TCF7L1: variants seen among roughly 807,000 people sequenced by gnomAD.
The protein encoded by TCF7L1 is transcription factor 7-like 1.
In TCF7L1, 18 loss-of-function variants were observed where a neutral mutation model predicts 63.7. That is an observed-to-expected ratio of 0.28 (90% confidence interval 0.20 to 0.42). The LOEUF (loss-of-function observed/expected upper bound fraction) is 0.42. Ranked by LOEUF, TCF7L1 falls within the 10% of genes least tolerant of loss-of-function variation. The pLI is 1.00. For synonymous variants in TCF7L1, 355 were observed against 340.9 expected (o/e 1.04, Z -0.46); for missense variants, 654 against 779.3 (o/e 0.84, Z 1.91).
chr2:85,158,021 A>G (rs1193817069), intron 3 of TCF7L1, among the ~76,000 whole-genome samples: 1 of 152,242 alleles, frequency 6.6e-6, no homozygotes, highest in African/African-American at 2.4e-5. Context: ...CATGGCGGAC[A>G]GAGGAAAGCA....
chr2:85,217,485 T>C (rs530689637), intron 3 of TCF7L1, among the ~76,000 whole-genome samples: 179 of 152,370 alleles, frequency 1.2e-3, no homozygotes, highest in African/African-American at 3.8e-3. Flanking sequence ...TGTCACAGCC[T>C]GTGTCCCAGC....
At chr2:85,231,774 G>C (rs1052118014) in intron 3 of TCF7L1, among the ~76,000 whole-genome samples, 3 of 152,186 alleles carry the variant, frequency 2.0e-5, no homozygotes, top group Admixed American at 1.3e-4. Context: ...CATGGGTATA[G>C]GACGTCATTT....
At chr2:85,156,560 A>C (rs943173611) in intron 3 of TCF7L1, among the ~76,000 whole-genome samples, 10 of 152,344 alleles carry the variant, frequency 6.6e-5, no homozygotes, top group African/African-American at 2.4e-4. Flanking sequence ...GTATATGCCA[A>C]ATTAAGTCTG....
chr2:85,242,457 T>C (rs1454438010), intron 3 of TCF7L1, among the ~76,000 whole-genome samples: 1 of 152,234 alleles, frequency 6.6e-6, no homozygotes, highest in East Asian at 1.9e-4. Context: ...GACGTCCTCA[T>C]CCAAGCCTGA....
chr2:85,226,253 TC>T (rs1307940301), intron 3 of TCF7L1, among the ~76,000 whole-genome samples: 1 of 152,268 alleles, frequency 6.6e-6, no homozygotes, highest in Non-Finnish European at 1.5e-5. Flanking sequence ...TTGCTGTGTC[TC>T]TGCCAGGCTT....
chr2:85,160,965 G>A (rs983250652), intron 3 of TCF7L1, among the ~76,000 whole-genome samples: 1 of 152,186 alleles, frequency 6.6e-6, no homozygotes, highest in Admixed American at 6.5e-5. Context: ...GGTGGCTGTC[G>A]GGGTCTGTCC....
intron 3 of TCF7L1, among the ~76,000 whole-genome samples, chr2:85,179,077 C>T (rs1253149789): frequency 1.3e-5 from 2 of 152,208 alleles, no homozygotes; most frequent in Non-Finnish European, 2.9e-5. Flanking sequence ...GCTGCTTTCC[C>T]TCCAGGGCCA....
chr2:85,221,793 C>A (rs1679845588), intron 3 of TCF7L1, among the ~76,000 whole-genome samples: 2 of 152,050 alleles, frequency 1.3e-5, no homozygotes. Context: ...TCCCTCTCCC[C>A]TAAATAAAAT....
intron 3 of TCF7L1, among the ~76,000 whole-genome samples, chr2:85,269,958 C>G (rs1681109977): frequency 6.6e-6 from 1 of 152,132 alleles, no homozygotes; most frequent in African/African-American, 2.4e-5. Flanking sequence ...CCTGTGGGGT[C>G]GGAGAGCTCT....
rs140621186 is a variant in TCF7L1, at chr2:85,216,711, G to T, written c.442-66784G>T. ...TAGCAATTACCGAACAACTTCTGTG[G>T]CTACCAAGGAGAGCATGATAGGGTC... On this transcript the variant is annotated intron_variant, in intron 3 of 11. Transcript: ENST00000282111. Among the ~76,000 whole-genome samples, 341 of 152,228 alleles carry T rather than the reference G, an allele frequency of 2.2e-3. 1 individual carries two copies. The highest frequency in any genetic ancestry group is 7.7e-3 in the African/African-American group (318 of 41,512).
chr2:85,301,385 T>G (rs1009979119), intron 4 of TCF7L1, among the ~76,000 whole-genome samples: 1 of 152,318 alleles, frequency 6.6e-6, no homozygotes, highest in Non-Finnish European at 1.5e-5. Context: ...GGAGTAGAAA[T>G]TATGCCTGGT....
At chr2:85,307,311 A>G (rs1332645410) in intron 10 of TCF7L1, among the ~76,000 whole-genome samples, 1 of 152,158 alleles carries the variant, frequency 6.6e-6, no homozygotes, top group African/African-American at 2.4e-5. Context: ...CAAACTTTCA[A>G]AGGGACCTGG....
chr2:85,256,341 C>T (rs1365784204), intron 3 of TCF7L1, among the ~76,000 whole-genome samples: 1 of 152,184 alleles, frequency 6.6e-6, no homozygotes, highest in Non-Finnish European at 1.5e-5. Context: ...GGAGGAAGCT[C>T]AGCGAGGCAG....
At chr2:85,223,716 T>C (rs1034367275) in intron 3 of TCF7L1, among the ~76,000 whole-genome samples, 2 of 152,212 alleles carry the variant, frequency 1.3e-5, no homozygotes, top group African/African-American at 2.4e-5. Context: ...TCTAGGACTT[T>C]ACAAATAAGA....
At chr2:85,304,064 C>T (rs1219545500) in intron 6 of TCF7L1, 67 bp downstream of exon 6, 8 of 1,363,438 alleles carry the variant, frequency 5.9e-6, no homozygotes, top group Admixed American at 5.3e-5. Flanking sequence ...CTGTGCCCTG[C>T]GCGCCCTGCA....
rs1266983331 is a variant in TCF7L1 at position 85,236,698 on chromosome 2, G to T, written c.442-46797G>T. Among the ~76,000 whole-genome samples the T allele has an allele frequency of 3.3e-5, 5 of 152,070 alleles. No individual in the cohort carries two copies. In the East Asian group the frequency reaches 9.6e-4, roughly 29 times the overall value. ...GCTCTGGGGGCTGTGTTGGGGGCAG[G>T]GGCAACATAAGAGGTAAACAGAGTC... On this transcript the variant is annotated intron_variant, in intron 3 of 11. Transcript: ENST00000282111.
intron 3 of TCF7L1, among the ~76,000 whole-genome samples, chr2:85,212,769 A>T (rs189892469): frequency 5.1e-4 from 78 of 152,190 alleles, no homozygotes; most frequent in African/African-American, 1.8e-3. Flanking sequence ...CTGAGGAAGG[A>T]TGTCATCACC....
chr2:85,224,384 A>G (rs1174042007), intron 3 of TCF7L1, among the ~76,000 whole-genome samples: 1 of 152,230 alleles, frequency 6.6e-6, no homozygotes, highest in East Asian at 1.9e-4. Flanking sequence ...ACAATGGTTG[A>G]ACTAATTTAC....
In TCF7L1 at chr2:85,133,507, C is replaced by T. The variant is rs989277772; in HGVS notation, c.-178C>T. 6.5e-6 allele frequency: 1 copy of T among 152,796 alleles called. No individual in the cohort carries two copies. Among genetic ancestry groups the T allele is most frequent in the Non-Finnish European group, 1.4e-5 (1 of 70,210 alleles). 9.5% of individuals were successfully genotyped at this position (152,796 alleles called of 1,614,324 possible). ...GCCGGAGGGGCCCGAGCCGAGCCGC[C>T]TGCGCCCCGGCCGGGCAGCGCCGGG... On this transcript the variant is annotated 5_prime_UTR_variant, in exon 1 of 12. Transcript: ENST00000282111. This position sits in a 1 kb window ranked among gnomAD's most constrained non-coding sequence, Gnocchi z 4.4.
Sources: gnomAD v4.1 joint callset for allele counts (sites outside exome capture counted in the v4.1 genomes callset) on GRCh38, gnomAD v4.1.1 for gene constraint, Gnocchi (gnomAD v3.1) non-coding constraint, MANE v1.5 for transcripts, NCBI Gene and HGNC (gene_info 2026-07-23, HGNC 2026-07-21) for gene names.